Variants in NDUFS1 observed in about 807,000 individuals in gnomAD.
NDUFS1 encodes NADH-ubiquinone oxidoreductase 75 kDa subunit, mitochondrial.
NDUFS1 carries 61 observed loss-of-function variants against 84.4 expected under a neutral mutation model. That is an observed-to-expected ratio of 0.72 (90% CI 0.59 to 0.89). NDUFS1 has a LOEUF of 0.89. Among genes scored for constraint, NDUFS1 ranks in the 40% least tolerant of loss-of-function variants. The pLI is 0.00. For missense variants in NDUFS1, 891 were observed against 890.0 expected (o/e 1.00, Z -0.01); for synonymous variants, 275 against 290.0 (o/e 0.95, Z 0.53).
At position 206,149,938 on chromosome 2, in the gene NDUFS1, A is replaced by G; in HGVS notation, c.154-13T>C. 1 of 950,248 alleles carries G rather than the reference A, an allele frequency of 1.1e-6. No individual in the cohort carries two copies. The allele number at this position is 950,248 out of a possible 1,614,324, so 58.9% of individuals were successfully genotyped here. A position where few individuals can be genotyped will look rare whatever the true frequency, so the allele number is the denominator to read the frequency against. On this transcript the variant is annotated splice_polypyrimidine_tract_variant and intron_variant, in intron 3 of 18. Coordinates refer to ENST00000233190, the MANE Select transcript of NDUFS1 (RefSeq NM_005006.7). ...CCTTCTCACAAGCCTAGAAGTAAAAAAAAAAAAAAAAAAAAAAAAAGCATT... is the reference window on the plus strand; with the variant it reads ...CCTTCTCACAAGCCTAGAAGTAAAAGAAAAAAAAAAAAAAAAAAAAGCATT...
chr2:206,136,427 GTTTT>G (rs760484724), intron 13 of NDUFS1, among the ~76,000 whole-genome samples: 4 of 123,308 alleles, frequency 3.2e-5, no homozygotes, highest in African/African-American at 9.2e-5. Context: ...TTAGTTGTTG[GTTTT>G]TTTTTTGTTT....
chr2:206,151,563 T>G lies in NDUFS1; in HGVS notation c.153+856A>C, dbSNP rs181429732. Reference sequence around the variant, plus strand: ...TGCTTTCATGTCTGTGACTGGCAGATAGTCTAGAAATGACTGCTAAAATGA... The same window carrying G: ...TGCTTTCATGTCTGTGACTGGCAGAGAGTCTAGAAATGACTGCTAAAATGA... On this transcript the variant is annotated intron_variant, in intron 3 of 18. Transcript: ENST00000233190. 2.2e-3 allele frequency among the ~76,000 whole-genome samples: 329 copies of G among 152,364 alleles called. 2 individuals are homozygous for G. The highest frequency in any genetic ancestry group is 3.7e-3 in the Non-Finnish European group (255 of 68,034).
At chr2:206,149,133 AT>A (rs1198426497) in intron 4 of NDUFS1, 37 bp from the exon 5 acceptor site, 2 of 1,494,078 alleles carry the variant, frequency 1.3e-6, no homozygotes, top group African/African-American at 2.8e-5. Context: ...GTGTATTTGT[AT>A]TTATTTGTGA....
Position 206,116,703 on chromosome 2 carries a change from T to C in NDUFS1, c.*7482A>G, listed in dbSNP as rs1194839767. ...GGGTTCAAGACGAGCCTGGGCAACATAGTGAGACCTGTCTCTATAAAATAT... is the reference window on the plus strand; with the variant it reads ...GGGTTCAAGACGAGCCTGGGCAACACAGTGAGACCTGTCTCTATAAAATAT... On this transcript the variant is annotated 3_prime_UTR_variant, in exon 19 of 19. Coordinates refer to ENST00000233190, the MANE Select transcript of NDUFS1 (RefSeq NM_005006.7). The C allele has an allele frequency of 1.2e-5, 4 of 333,984 alleles. No homozygotes were observed. Among genetic ancestry groups the C allele is most frequent in the African/African-American group, 8.6e-5 (4 of 46,500 alleles). The allele number at this position is 333,984 out of a possible 1,614,324, so 20.7% of individuals were successfully genotyped here.
intron 13 of NDUFS1, among the ~76,000 whole-genome samples, chr2:206,136,291 A>T (rs1691709492): frequency 6.8e-6 from 1 of 147,654 alleles, no homozygotes; most frequent in Non-Finnish European, 1.5e-5. Flanking sequence ...TGACCTTGTG[A>T]TCCGCCCGCC....
Position 206,123,902 on chromosome 2 carries a change from C to A in NDUFS1, c.*283G>T, listed in dbSNP as rs1691180881. 6.7e-6 allele frequency: 2 copies of A among 299,296 alleles called. No homozygotes were observed. Among genetic ancestry groups the A allele is most frequent in the Non-Finnish European group, 6.1e-6 (1 of 164,356 alleles). The allele number at this position is 299,296 out of a possible 1,614,324, so 18.5% of individuals were successfully genotyped here. ...CAAATTATTTATGAAGATAAGCCAA[C>A]AACTCATAATTTAAGGATCTCTTTA... On this transcript the variant is annotated 3_prime_UTR_variant, in exon 19 of 19. Transcript: ENST00000233190.
chr2:206,134,585 CA>C (rs142517296), intron 13 of NDUFS1, among the ~76,000 whole-genome samples: 110 of 138,846 alleles, frequency 7.9e-4, no homozygotes, highest in Middle Eastern at 7.1e-3. Flanking sequence ...ATCTCAAAAA[CA>C]AAAAAAAAAG....
chr2:206,149,806 G>T lies in NDUFS1; in HGVS notation c.261+12C>A. 6.3e-7 allele frequency: 1 copy of T among 1,588,138 alleles called. No individual in the cohort carries two copies. Among genetic ancestry groups the T allele is most frequent in the South Asian group, 1.1e-5 (1 of 90,522 alleles). ...TTCTACAGCATGGTGTAGAATTTTAGGTATCAAGTACCTTAGGGGCTTTCT... is the reference window on the plus strand; with the variant it reads ...TTCTACAGCATGGTGTAGAATTTTATGTATCAAGTACCTTAGGGGCTTTCT... On this transcript the variant is annotated intron_variant, in intron 4 of 18. Transcript: ENST00000233190.
chr2:206,139,742 G>A (rs187528129), intron 12 of NDUFS1, among the ~76,000 whole-genome samples: 53 of 150,654 alleles, frequency 3.5e-4, no homozygotes, highest in Admixed American at 2.5e-3. Context: ...TTATCCTGAT[G>A]TAATTATTAA....
At chr2:206,132,804 A>T in intron 14 of NDUFS1, 141 bp downstream of exon 14, 1 of 713,056 alleles carries the variant, frequency 1.4e-6, no homozygotes, top group African/African-American at 1.8e-5. Context: ...CACACAGAGT[A>T]AAGGTCTATA....
intron 8 of NDUFS1, among the ~76,000 whole-genome samples, chr2:206,145,742 C>T (rs911494813): frequency 1.5e-4 from 23 of 152,172 alleles, no homozygotes; most frequent in Admixed American, 7.2e-4. Flanking sequence ...CTCTCCACCC[C>T]CTCAAAATGG....
At position 206,147,919 on chromosome 2, in the gene NDUFS1, CTTTATT is replaced by C; in HGVS notation, c.339-91_339-86del. 15 of 1,279,944 alleles carry C rather than the reference CTTTATT, an allele frequency of 1.2e-5. No homozygotes were observed. In the African/African-American group the frequency reaches 2.1e-4, roughly 18 times the overall value. The allele number at this position is 1,279,944 out of a possible 1,614,324, so 79.3% of individuals were successfully genotyped here. On this transcript the variant is annotated intron_variant, in intron 5 of 18. Coordinates refer to ENST00000233190, the MANE Select transcript of NDUFS1 (RefSeq NM_005006.7). ...GCTGGCACTCAAAATGACCTATAGA[CTTTATT>C]TTTTTTTTTTGAGATGGTGTCTCGC...
At chr2:206,154,922 CTT>C (rs71034412) in intron 1 of NDUFS1, among the ~76,000 whole-genome samples, 74 of 100,802 alleles carry the variant, frequency 7.3e-4, no homozygotes, top group South Asian at 7.0e-3. Context: ...GTGCCCGGCC[CTT>C]TTTTTTTTTT....
At chr2:206,154,845 G>A (rs1183055505) in intron 1 of NDUFS1, among the ~76,000 whole-genome samples, 4 of 151,092 alleles carry the variant, frequency 2.6e-5, no homozygotes, top group Non-Finnish European at 5.9e-5. Context: ...GGCTGGTCTC[G>A]AACTCCTGAC....
intron 14 of NDUFS1, 39 bp downstream of exon 14, chr2:206,132,906 A>ACTT: frequency 6.5e-7 from 1 of 1,547,428 alleles, no homozygotes; most frequent in Non-Finnish European, 8.9e-7. Context: ...ACACAACATT[A>ACTT]CTTGAATTTA....
chr2:206,133,854 C>A (rs1256626868), intron 13 of NDUFS1, among the ~76,000 whole-genome samples: 3 of 152,306 alleles, frequency 2.0e-5, no homozygotes, highest in South Asian at 4.1e-4. Flanking sequence ...GTGTTATGTA[C>A]CTGTAGCCCC....
Position 206,118,179 on chromosome 2 carries a change from G to C in NDUFS1, c.*6006C>G, listed in dbSNP as rs1255974217. On this transcript the variant is annotated 3_prime_UTR_variant, in exon 19 of 19. Coordinates refer to ENST00000233190, the MANE Select transcript of NDUFS1 (RefSeq NM_005006.7). Reference sequence around the variant, plus strand: ...AAACACAAAAAACACTTTAAGCAGAGGGTATTTGGTTTTGAGATCCTTGTT... The same window carrying C: ...AAACACAAAAAACACTTTAAGCAGACGGTATTTGGTTTTGAGATCCTTGTT... The C allele has an allele frequency of 6.6e-6, 1 of 152,152 alleles. No homozygotes were observed. The highest frequency in any genetic ancestry group is 1.5e-5 in the Non-Finnish European group (1 of 68,032). 9.4% of individuals were successfully genotyped at this position (152,152 alleles called of 1,614,324 possible). A position where few individuals can be genotyped will look rare whatever the true frequency, so the allele number is the denominator to read the frequency against.
At chr2:206,144,742 G>T in intron 9 of NDUFS1, 150 bp downstream of exon 9, 6 of 756,380 alleles carry the variant, frequency 7.9e-6, no homozygotes, top group Non-Finnish European at 1.3e-5. Context: ...GACTATTAAA[G>T]TCAGTATTAT....
chr2:206,147,828 A>G lies in NDUFS1; in HGVS notation c.345T>C (p.Gly115=), dbSNP rs1413414820. The part of the protein sequence containing the change: ...NSEKSKKARE[G]VMEFLLANHP... ...GATTTGCTAATAAGAACTCCATCAC[A>G]CCTTCCCTGTATGAAAATTGTAACA... Residue 115 remains glycine, a synonymous_variant, in exon 6 of 19, where the codon GGT becomes GGC. Coordinates refer to ENST00000233190, the MANE Select transcript of NDUFS1 (RefSeq NM_005006.7). The G allele has an allele frequency of 1.9e-6, 3 of 1,613,432 alleles. No homozygotes were observed. Among genetic ancestry groups the G allele is most frequent in the East Asian group, 2.2e-5 (1 of 44,880 alleles).
Sources: gnomAD v4.1 joint callset for allele counts (sites outside exome capture counted in the v4.1 genomes callset) on GRCh38, gnomAD v4.1.1 for gene constraint, MANE v1.5 for transcripts, NCBI Gene and HGNC (gene_info 2026-07-23, HGNC 2026-07-21) for gene names.